Variants in CDH20 observed in about 807,000 individuals in gnomAD.
CDH20 encodes cadherin 20, also known as cadherin-20.
A neutral mutation model predicts 74.2 loss-of-function variants in CDH20; 29 were observed. The observed-to-expected ratio is 0.39, with a 90% CI of 0.29 to 0.53. The LOEUF (loss-of-function observed/expected upper bound fraction) is 0.53, where lower values mean the gene tolerates loss of function less well. Ranked by LOEUF, CDH20 falls within the 20% of genes least tolerant of loss-of-function variation. The pLI is 0.69. For missense variants in CDH20, 988 were observed against 1,048.3 expected (o/e 0.94, Z 0.79); for synonymous variants, 469 against 405.4 (o/e 1.16, Z -1.88).
At chr18:61,413,575 C>T (rs1261929561) in intron 1 of CDH20, among the ~76,000 whole-genome samples, 1 of 152,062 alleles carries the variant, frequency 6.6e-6, no homozygotes, top group Non-Finnish European at 1.5e-5. Context: ...TGAGTTGGCA[C>T]AGTGAAGGAT....
At chr18:61,505,489 C>T (rs1458472576) in intron 5 of CDH20, among the ~76,000 whole-genome samples, 1 of 151,998 alleles carries the variant, frequency 6.6e-6, no homozygotes, top group Non-Finnish European at 1.5e-5. Flanking sequence ...GTGCACACCA[C>T]CATGCCCAGC....
At chr18:61,443,906 T>A (rs985355523) in intron 1 of CDH20, among the ~76,000 whole-genome samples, 1 of 151,778 alleles carries the variant, frequency 6.6e-6, no homozygotes, top group Admixed American at 6.6e-5. Context: ...ATCTGGGAAA[T>A]TGCAGATGGC....
intron 1 of CDH20, among the ~76,000 whole-genome samples, chr18:61,438,169 T>C (rs1048448666): frequency 1.3e-5 from 2 of 152,170 alleles, no homozygotes; most frequent in African/African-American, 2.4e-5. Flanking sequence ...CTTCCTACTC[T>C]ACATTAGCTC....
At chr18:61,437,255 C>T (rs1286114954) in intron 1 of CDH20, among the ~76,000 whole-genome samples, 2 of 152,120 alleles carry the variant, frequency 1.3e-5, no homozygotes, top group African/African-American at 2.4e-5. Context: ...AGGTAGTTCC[C>T]TGGGGGCCTG....
chr18:61,462,531 T>A (rs1474078343), intron 1 of CDH20, among the ~76,000 whole-genome samples: 2 of 152,062 alleles, frequency 1.3e-5, no homozygotes. Context: ...ATTCAACCAA[T>A]CACATATGGC....
chr18:61,511,541 C>A (rs1385708242), intron 6 of CDH20, among the ~76,000 whole-genome samples: 3 of 152,036 alleles, frequency 2.0e-5, no homozygotes, highest in Non-Finnish European at 4.4e-5. Context: ...AGAAAAAGAA[C>A]TTTTGGGATT....
intron 1 of CDH20, chr18:61,404,889 C>T (rs184112948): frequency 6.7e-5 from 43 of 646,146 alleles, no homozygotes; most frequent in Non-Finnish European, 1.1e-4. Flanking sequence ...TGGCATGCTT[C>T]TAATGGTGTC....
intron 1 of CDH20, among the ~76,000 whole-genome samples, chr18:61,337,265 T>C (rs976826338): frequency 1.3e-5 from 2 of 152,220 alleles, no homozygotes; most frequent in Admixed American, 6.5e-5. Context: ...CCACTTTTTA[T>C]TCCCTCCACA....
intron 1 of CDH20, among the ~76,000 whole-genome samples, chr18:61,394,764 C>T (rs1387496264): frequency 6.6e-6 from 1 of 152,034 alleles, no homozygotes; most frequent in Non-Finnish European, 1.5e-5. Flanking sequence ...ATGGTGTTTA[C>T]CAATGTCGCT....
rs143661000 is a variant in CDH20, at chr18:61,377,331, C to T, written c.-153+43504C>T. On this transcript the variant is annotated intron_variant, in intron 1 of 11. Coordinates refer to ENST00000262717, the MANE Select transcript of CDH20 (RefSeq NM_031891.4). ...GGGCAGTCAAACCCCCAGATAAACC[C>T]TATTACAATGGAACAGGGGAGAACA... Among the ~76,000 whole-genome samples the T allele has an allele frequency of 1.2e-3, 178 of 152,116 alleles. 1 individual carries two copies. The highest frequency in any genetic ancestry group is 4.1e-3 in the African/African-American group (171 of 41,506).
chr18:61,357,146 A>T (rs750735936), intron 1 of CDH20, among the ~76,000 whole-genome samples: 4 of 152,208 alleles, frequency 2.6e-5, no homozygotes, highest in Non-Finnish European at 5.9e-5. Flanking sequence ...TACACCAAGC[A>T]GCCAGAATAC....
intron 1 of CDH20, among the ~76,000 whole-genome samples, chr18:61,335,501 G>A (rs1286998486): frequency 2.0e-5 from 3 of 152,186 alleles, no homozygotes; most frequent in Admixed American, 6.5e-5. Context: ...AGAGACAAAT[G>A]AAGAGCAGGA....
intron 1 of CDH20, among the ~76,000 whole-genome samples, chr18:61,423,066 T>C (rs1912941088): frequency 6.6e-6 from 1 of 152,236 alleles, no homozygotes; most frequent in African/African-American, 2.4e-5. Flanking sequence ...TTTTTATTTC[T>C]TTCTGTTCTT....
At chr18:61,464,674 G>A (rs1273474608) in intron 1 of CDH20, among the ~76,000 whole-genome samples, 1 of 152,112 alleles carries the variant, frequency 6.6e-6, no homozygotes, top group Non-Finnish European at 1.5e-5. Context: ...TCAAAACACT[G>A]GCTAGAAGTG....
chr18:61,539,119 G>T lies in CDH20; in HGVS notation c.1504G>T (p.Val502Phe). The T allele has an allele frequency of 6.2e-7, 1 of 1,614,120 alleles. No homozygotes were observed. The highest frequency in any genetic ancestry group is 8.5e-7 in the Non-Finnish European group (1 of 1,180,032). Reference sequence around the variant, plus strand: ...GTTCCCCAGATTCTATGAAGCTTTTGTCTGTGAGAACGCCAAGGCAGGACA... The same window carrying T: ...GTTCCCCAGATTCTATGAAGCTTTTTTCTGTGAGAACGCCAAGGCAGGACA... ...PEFPRFYEAF[V>F]CENAKAGQLI... is the part of the protein sequence containing the mutation. The change falls in exon 9 of 12, where the codon GTC (valine) becomes TTC (phenylalanine). Residue 502 changes from valine to phenylalanine, a missense_variant. By Grantham distance (50) the Val-to-Phe change is conservative. Coordinates refer to ENST00000262717, the MANE Select transcript of CDH20 (RefSeq NM_031891.4).
At chr18:61,544,907 A>G (rs1017666613) in intron 9 of CDH20, 120 bp from the exon 10 acceptor site, 37 of 706,342 alleles carry the variant, frequency 5.2e-5, no homozygotes, top group Non-Finnish European at 8.7e-5. Context: ...TCCCATACCA[A>G]TGATATCCTT....
At chr18:61,527,172 T>G (rs1479310597) in intron 6 of CDH20, among the ~76,000 whole-genome samples, 1 of 152,098 alleles carries the variant, frequency 6.6e-6, no homozygotes, top group Non-Finnish European at 1.5e-5. Context: ...AGAGCGAGAC[T>G]CCATCTCAAA....
At chr18:61,431,212 A>T (rs777689375) in intron 1 of CDH20, among the ~76,000 whole-genome samples, 1 of 152,124 alleles carries the variant, frequency 6.6e-6, no homozygotes, top group African/African-American at 2.4e-5. Flanking sequence ...CTATGTAACC[A>T]TAAGAAAAAC....
chr18:61,528,490 T>C (rs1339371394), intron 7 of CDH20, among the ~76,000 whole-genome samples: 1 of 101,450 alleles, frequency 9.9e-6, no homozygotes, highest in Non-Finnish European at 2.2e-5. Flanking sequence ...CACCCCTTAG[T>C]TCTCAATCAT....
Sources: gnomAD v4.1 joint callset for allele counts (sites outside exome capture counted in the v4.1 genomes callset) on GRCh38, gnomAD v4.1.1 for gene constraint, MANE v1.5 for transcripts, NCBI Gene and HGNC (gene_info 2026-07-23, HGNC 2026-07-21) for gene names.